The following FKRP variants were observed in gnomAD, a reference collection of about 807,000 sequenced individuals.
FKRP encodes the protein fukutin related protein.
In FKRP, 25 loss-of-function variants were observed where a neutral mutation model predicts 30.6. The observed-to-expected ratio is 0.82, with a 90% confidence interval of 0.60 to 1.14. The LOEUF (loss-of-function observed/expected upper bound fraction) is 1.14, where lower values mean the gene tolerates loss of function less well. Ranked by LOEUF, FKRP falls within the 50% of genes most tolerant of loss-of-function variation. The pLI, the probability that FKRP is intolerant of heterozygous loss-of-function variation, is 0.00. For missense variants in FKRP, 771 were observed against 727.8 expected (o/e 1.06, Z -0.68); for synonymous variants, 358 against 342.5 (o/e 1.05, Z -0.50).
At position 46,746,064 on chromosome 19, in the gene FKRP, C is replaced by G; in HGVS notation, c.-279C>G. 1 of 1,212,736 alleles carries G rather than the reference C, an allele frequency of 8.2e-7. No individual in the cohort carries two copies. The highest frequency in any genetic ancestry group is 1.0e-6 in the Non-Finnish European group (1 of 960,012). 75.1% of individuals were successfully genotyped at this position (1,212,736 alleles called of 1,614,324 possible). A position where few individuals can be genotyped will look rare whatever the true frequency, so the allele number is the denominator to read the frequency against. On this transcript the variant is annotated 5_prime_UTR_variant, in exon 1 of 4. Coordinates refer to ENST00000318584, the MANE Select transcript of FKRP (RefSeq NM_024301.5). Reference sequence around the variant, plus strand: ...GCCGGCCGTCCCGGCGGCCATTGCTCCAAGATGGCGGCGGCGGCGGCAGCG... The same window carrying G: ...GCCGGCCGTCCCGGCGGCCATTGCTGCAAGATGGCGGCGGCGGCGGCAGCG...
chr19:46,754,155 C>T (rs998156544), intron 3 of FKRP: 5 of 152,138 alleles, frequency 3.3e-5, no homozygotes, highest in Non-Finnish European at 5.9e-5. Flanking sequence ...CCCCCCACCT[C>T]AGCATCCTGA....
intron 3 of FKRP, among the ~76,000 whole-genome samples, chr19:46,749,967 C>T (rs1264545486): frequency 6.6e-6 from 1 of 152,140 alleles, no homozygotes; most frequent in Non-Finnish European, 1.5e-5. Flanking sequence ...CTCCCCCAGC[C>T]TCATCCTCCC....
Position 46,756,471 on chromosome 19 carries a change from T to C in FKRP, c.1021T>C (p.Trp341Arg). Residue 341 changes from tryptophan (W) to arginine (R), a missense_variant, in exon 4 of 4, where the codon TGG becomes CGG. Transcript: ENST00000318584. This position sits in a 1 kb window ranked among gnomAD's most constrained non-coding sequence, Gnocchi z 6.6. The stretch of plus-strand genomic sequence containing the variant: ...GCTGGAGGCTGCGGGCGTGCGCTAC[T>C]GGCTCGAGGGCGGCTCACTGCTGGG... ...GVLEAAGVRY[W>R]LEGGSLLGAA... 1 of 1,535,244 alleles carries C rather than the reference T, an allele frequency of 6.5e-7. No individual in the cohort carries two copies. Among genetic ancestry groups the C allele is most frequent in the Non-Finnish European group, 8.7e-7 (1 of 1,145,556 alleles).
chr19:46,753,457 C>CAA (rs1274965285), intron 3 of FKRP, among the ~76,000 whole-genome samples: 1 of 118,790 alleles, frequency 8.4e-6, no homozygotes, highest in Admixed American at 8.7e-5. Flanking sequence ...GACTCCATCT[C>CAA]AAAAAAAAAA....
chr19:46,745,172 C>G (rs967661554), upstream of FKRP, among the ~76,000 whole-genome samples: 2 of 152,086 alleles, frequency 1.3e-5, no homozygotes, highest in African/African-American at 4.8e-5. Flanking sequence ...CACCTCCATA[C>G]TGGACATGCC....
At chr19:46,746,264 G>A (rs2054607758) in intron 1 of FKRP, 174 bp downstream of exon 1, 2 of 1,481,350 alleles carry the variant, frequency 1.4e-6, no homozygotes. Context: ...GCCCGCCGTG[G>A]GCCCGGGGCT....
rs1397139072 is a variant in FKRP at position 46,755,447 on chromosome 19, C to A, written c.-4C>A. Reference sequence around the variant, plus strand: ...AGGCCCAGCTAGCCCCAGACTTCGGCCCCATGCGGCTCACCCGCTGCCAGG... The same window carrying A: ...AGGCCCAGCTAGCCCCAGACTTCGGACCCATGCGGCTCACCCGCTGCCAGG... On this transcript the variant is annotated 5_prime_UTR_variant, in exon 4 of 4. Coordinates refer to ENST00000318584, the MANE Select transcript of FKRP (RefSeq NM_024301.5). The A allele has an allele frequency of 2.5e-6, 4 of 1,603,526 alleles. No homozygotes were observed. The highest frequency in any genetic ancestry group is 3.4e-6 in the Non-Finnish European group (4 of 1,178,756).
In FKRP at chr19:46,756,345, A is replaced by G; in HGVS notation, c.895A>G (p.Thr299Ala). 6.4e-7 allele frequency: 1 copy of G among 1,558,774 alleles called. No individual in the cohort carries two copies. Among genetic ancestry groups the G allele is most frequent in the Non-Finnish European group, 8.7e-7 (1 of 1,155,080 alleles). ...CNKETTRCFG[T>A]VVGDTPAYLY... ...CAAGGAGACCACGCGCTGCTTCGGAACCGTGGTGGGCGACACGCCCGCCTA... is the reference window on the plus strand; with the variant it reads ...CAAGGAGACCACGCGCTGCTTCGGAGCCGTGGTGGGCGACACGCCCGCCTA... Residue 299 changes from threonine (T) to alanine (A), a missense_variant, in exon 4 of 4, where the codon ACC becomes GCC. By Grantham distance (58) the Thr-to-Ala change is moderately conservative (BLOSUM62 0). Transcript: ENST00000318584. The surrounding 1 kb of genome is among the most constrained non-coding windows in gnomAD (Gnocchi z 6.6).
At position 46,755,898 on chromosome 19, in the gene FKRP, G is replaced by T; in HGVS notation, c.448G>T (p.Ala150Ser). ...LLERMVEALR[A>S]GSARLVAAPV... ...GGAGCGCATGGTGGAGGCGCTCCGC[G>T]CAGGAAGCGCACGTCTGGTGGCCGC... Residue 150 changes from alanine to serine, a missense_variant, in exon 4 of 4, where the codon GCA becomes TCA. Transcript: ENST00000318584. 1 of 1,516,382 alleles carries T rather than the reference G, an allele frequency of 6.6e-7. No individual in the cohort carries two copies. Among genetic ancestry groups the T allele is most frequent in the South Asian group, 1.2e-5 (1 of 81,428 alleles). The allele number at this position is 1,516,382 out of a possible 1,614,324, so 93.9% of individuals were successfully genotyped here.
rs1422884133 is a variant in FKRP at position 46,755,885 on chromosome 19, G to A, written c.435G>A (p.Val145=). Residue 145 remains valine (V), a synonymous_variant, in exon 4 of 4, where the codon GTG becomes GTA. Transcript: ENST00000318584. ...AEAPGLLERM[V]EALRAGSARL... The stretch of plus-strand genomic sequence containing the variant: ...CACCTGGCCTGCTGGAGCGCATGGT[G>A]GAGGCGCTCCGCGCAGGAAGCGCAC... 8.0e-6 allele frequency: 12 copies of A among 1,503,042 alleles called. No individual in the cohort carries two copies. In the East Asian group the frequency reaches 3.0e-4, roughly 37 times the overall value. 93.1% of individuals were successfully genotyped at this position (1,503,042 alleles called of 1,614,324 possible). A position where few individuals can be genotyped will look rare whatever the true frequency, so the allele number is the denominator to read the frequency against.
At chr19:46,753,189 G>A (rs1450475451) in intron 3 of FKRP, among the ~76,000 whole-genome samples, 1 of 150,418 alleles carries the variant, frequency 6.6e-6, no homozygotes, top group Admixed American at 6.7e-5. Context: ...TTTTTGGCTG[G>A]GCGCGGTGGC....
chr19:46,748,727 A>G (rs1342641844), intron 3 of FKRP, 62 bp downstream of exon 3: 1 of 152,438 alleles, frequency 6.6e-6, no homozygotes, highest in Non-Finnish European at 1.5e-5. Context: ...TGTAAGTTGC[A>G]TGGCTTTTGT....
chr19:46,755,415 G>T lies in FKRP; in HGVS notation c.-36G>T. On this transcript the variant is annotated 5_prime_UTR_variant, in exon 4 of 4. The change abolishes an upstream ATG in the 5' untranslated region. Transcript: ENST00000318584. Reference sequence around the variant, plus strand: ...CCCTTTCGTCCCCCTCCCCCAGGATGCCCCGGAGGCCCAGCTAGCCCCAGA... The same window carrying T: ...CCCTTTCGTCCCCCTCCCCCAGGATTCCCCGGAGGCCCAGCTAGCCCCAGA... 1.3e-6 allele frequency: 2 copies of T among 1,578,690 alleles called. No individual in the cohort carries two copies. The highest frequency in any genetic ancestry group is 1.7e-6 in the Non-Finnish European group (2 of 1,168,416).
At position 46,755,786 on chromosome 19, in the gene FKRP, C is replaced by T. The variant is rs1054339656; in HGVS notation, c.336C>T (p.Ala112=). The change falls in exon 4 of 4, where the codon GCC becomes GCT. Residue 112 remains alanine (A), a synonymous_variant. Coordinates refer to ENST00000318584, the MANE Select transcript of FKRP (RefSeq NM_024301.5). ...ALLQPALDRP[A]AASRPETYVA... is the part of the protein sequence containing the mutation. ...TCCAGCCCGCCCTGGACCGGCCAGC[C>T]GCAGCCTCGCGCCCGGAGACCTACG... is the stretch of plus-strand genomic sequence containing the variant. The T allele has an allele frequency of 2.2e-5, 34 of 1,521,810 alleles. No individual in the cohort carries two copies. The Admixed American group carries it at 4.9e-4, about 22-fold the overall frequency. 94.3% of individuals were successfully genotyped at this position (1,521,810 alleles called of 1,614,324 possible).
intron 3 of FKRP, among the ~76,000 whole-genome samples, chr19:46,754,663 A>G (rs943279650): frequency 6.6e-6 from 1 of 151,766 alleles, no homozygotes; most frequent in Non-Finnish European, 1.5e-5. Flanking sequence ...CTGGAGTGCA[A>G]TGGTGCCATC....
At position 46,756,430 on chromosome 19, in the gene FKRP, G is replaced by T; in HGVS notation, c.980G>T (p.Arg327Leu). ...CTGCGCGCGCTGCGCGAGACCGCCC[G>T]CTATGTGGTGGGCGTGCTGGAGGCT... ...CCLRALRETARYVVGVLEAAG... is the reference protein window; with the variant it reads ...CCLRALRETALYVVGVLEAAG... The change falls in exon 4 of 4, where the codon CGC becomes CTC. Residue 327 changes from arginine (R) to leucine (L), a missense_variant. Physicochemically the swap from Arg to Leu is moderately radical, Grantham distance 102 (BLOSUM62 -2). Coordinates refer to ENST00000318584, the MANE Select transcript of FKRP (RefSeq NM_024301.5). This position sits in a 1 kb window ranked among gnomAD's most constrained non-coding sequence, Gnocchi z 6.6. 4 of 1,583,768 alleles carry T rather than the reference G, an allele frequency of 2.5e-6. No homozygotes were observed. The highest frequency in any genetic ancestry group is 1.1e-5 in the South Asian group (1 of 87,450).
intron 2 of FKRP, 116 bp downstream of exon 2, chr19:46,748,204 G>A (rs2054706542): frequency 6.6e-6 from 1 of 152,048 alleles, no homozygotes; most frequent in African/African-American, 2.4e-5. Context: ...TTGAGACGGA[G>A]TGTCGCTCTG....
chr19:46,745,233 C>G (rs78560128), upstream of FKRP, among the ~76,000 whole-genome samples: 293 of 152,220 alleles, frequency 1.9e-3, no homozygotes, highest in African/African-American at 6.6e-3. Flanking sequence ...CTACAACACA[C>G]GTGCCATCTC....
In FKRP at chr19:46,755,585, C is replaced by G. The variant is rs2287717; in HGVS notation, c.135C>G (p.Ala45=). The stretch of plus-strand genomic sequence containing the variant: ...GGGGGCCCCGTCGTGCCTCTGCTGC[C>G]GGCCCCCGTGTCACCGTCCTGGTGC... The part of the protein sequence containing the change: ...RARGPRRASA[A]GPRVTVLVRE... Residue 45 remains alanine (A), a synonymous_variant, in exon 4 of 4, where the codon GCC becomes GCG. Transcript: ENST00000318584. The G allele has an allele frequency of 6.2e-7, 1 of 1,605,048 alleles. No individual in the cohort carries two copies. The highest frequency in any genetic ancestry group is 8.5e-7 in the Non-Finnish European group (1 of 1,176,496).
Sources: gnomAD v4.1 joint callset for allele counts (sites outside exome capture counted in the v4.1 genomes callset) on GRCh38, gnomAD v4.1.1 for gene constraint, Gnocchi (gnomAD v3.1) non-coding constraint, MANE v1.5 for transcripts, NCBI Gene and HGNC (gene_info 2026-07-23, HGNC 2026-07-21) for gene names.